FAP: variants seen among roughly 807,000 people sequenced by gnomAD.
FAP encodes fibroblast activation protein alpha.
In FAP, 110 loss-of-function variants were observed where a neutral mutation model predicts 126.5. The ratio of observed to expected loss-of-function variants is 0.87; its 90% CI spans 0.74 to 1.02. The LOEUF (loss-of-function observed/expected upper bound fraction) is 1.02. Ranked by LOEUF, FAP falls within the 50% of genes least tolerant of loss-of-function variation. The pLI is 0.00. For synonymous variants in FAP, 334 were observed against 297.3 expected (o/e 1.12, Z -1.27); for missense variants, 919 against 909.2 (o/e 1.01, Z -0.14).
At chr2:162,211,726 G>A (rs963948444) in intron 11 of FAP, among the ~76,000 whole-genome samples, 2 of 152,050 alleles carry the variant, frequency 1.3e-5, no homozygotes, top group Non-Finnish European at 2.9e-5. Context: ...CTTTTCAGAG[G>A]AGGAAGCATA....
At chr2:162,182,975 C>T (rs942912740) in intron 21 of FAP, among the ~76,000 whole-genome samples, 3 of 152,166 alleles carry the variant, frequency 2.0e-5, no homozygotes, top group Non-Finnish European at 4.4e-5. Context: ...CAAAATTAAA[C>T]AGCTAAGATA....
Position 162,213,993 on chromosome 2 carries a change from G to A in FAP, c.947C>T (p.Ser316Leu), listed in dbSNP as rs756858958. 2.7e-5 allele frequency: 44 copies of A among 1,613,848 alleles called. No homozygotes were observed. Among genetic ancestry groups the A allele is most frequent in the South Asian group, 6.6e-5 (6 of 91,062 alleles). Residue 316 changes from serine (S) to leucine (L), a missense_variant, in exon 11 of 26, where the codon TCG (serine) becomes TTG (leucine). By Grantham distance (145) the Ser-to-Leu change is moderately radical. Coordinates refer to ENST00000188790, the MANE Select transcript of FAP (RefSeq NM_004460.5). ...CCTGAAGTCACATATAGACAGGACC[G>A]AAACATTCTGGACTCTTTTTAGCCA... The part of the protein sequence containing the change: ...LQWLKRVQNV[S>L]VLSICDFRED...
intron 2 of FAP, among the ~76,000 whole-genome samples, chr2:162,231,953 G>C (rs1389307181): frequency 6.6e-6 from 1 of 152,150 alleles, no homozygotes; most frequent in African/African-American, 2.4e-5. Context: ...AAGGGTCTAG[G>C]GCTCTCAGGG....
chr2:162,226,488 T>TA (rs370138805), intron 3 of FAP, 35 bp downstream of exon 3: 307 of 1,161,760 alleles, frequency 2.6e-4, no homozygotes, highest in Admixed American at 5.8e-4. Flanking sequence ...ACAAAATACA[T>TA]AAAAAAAACC....
intron 1 of FAP, 121 bp downstream of exon 1, chr2:162,243,201 C>G: frequency 1.1e-6 from 1 of 876,538 alleles, no homozygotes. Context: ...CCAATCCCAA[C>G]CCATTGAGGA....
chr2:162,173,064 A>G lies in FAP; in HGVS notation c.2107+85T>C, dbSNP rs1687371446. ...ACTCTTAGGTACTGACCCTGAGCAT[A>G]GGCATAGGAGGATGCTTAATGTTTC... On this transcript the variant is annotated intron_variant, in intron 24 of 25. Transcript: ENST00000188790. The G allele has an allele frequency of 3.9e-6, 5 of 1,285,962 alleles. No individual in the cohort carries two copies. The Admixed American group carries it at 8.4e-5, about 22-fold the overall frequency. The allele number at this position is 1,285,962 out of a possible 1,614,324, so 79.7% of individuals were successfully genotyped here.
intron 21 of FAP, among the ~76,000 whole-genome samples, chr2:162,180,013 T>C (rs926081665): frequency 6.6e-6 from 1 of 151,908 alleles, no homozygotes; most frequent in African/African-American, 2.4e-5. Context: ...TTCGTCATGT[T>C]GGTCAGGCTG....
At chr2:162,203,326 A>C (rs1688571296) in intron 12 of FAP, among the ~76,000 whole-genome samples, 181 bp from the exon 13 acceptor site, 2 of 152,204 alleles carry the variant, frequency 1.3e-5, no homozygotes, top group Non-Finnish European at 2.9e-5. Flanking sequence ...TTATGTAGTG[A>C]TTCTGACAGG....
At chr2:162,223,769 T>C (rs1689512657) in intron 5 of FAP, 109 bp from the exon 6 acceptor site, 4 of 709,906 alleles carry the variant, frequency 5.6e-6, no homozygotes, top group Middle Eastern at 2.5e-4. Flanking sequence ...ATAAAAGGAC[T>C]ACTTTCACAA....
chr2:162,172,626 GT>G (rs1273654373), intron 25 of FAP, 184 bp downstream of exon 25: 17 of 549,112 alleles, frequency 3.1e-5, no homozygotes, highest in Non-Finnish European at 5.2e-5. Flanking sequence ...AGGTGATCTG[GT>G]TTGCCTCGGG....
At chr2:162,189,572 G>T in intron 18 of FAP, 84 bp downstream of exon 18, 1 of 725,292 alleles carries the variant, frequency 1.4e-6, no homozygotes, top group Non-Finnish European at 2.4e-6. Context: ...AATTTGCACT[G>T]TAACATTCAC....
intron 2 of FAP, among the ~76,000 whole-genome samples, chr2:162,237,064 G>C (rs1361323358): frequency 1.3e-5 from 2 of 151,990 alleles, no homozygotes; most frequent in Admixed American, 1.3e-4. Context: ...AGTATTGTAA[G>C]TTATTCTGTT....
chr2:162,217,912 C>A, intron 9 of FAP, 74 bp downstream of exon 9: 2 of 1,229,554 alleles, frequency 1.6e-6, no homozygotes, highest in Admixed American at 2.3e-5. Flanking sequence ...GTTGATCCCA[C>A]CTTTACTCAT....
intron 21 of FAP, 185 bp from the exon 22 acceptor site, chr2:162,175,151 T>A (rs2106212639): frequency 2.0e-6 from 1 of 511,230 alleles, no homozygotes; most frequent in East Asian, 3.4e-5. Flanking sequence ...ATAATGGTAA[T>A]TTCTTCCCTA....
intron 2 of FAP, among the ~76,000 whole-genome samples, chr2:162,227,582 G>T (rs994230814): frequency 1.3e-5 from 2 of 152,054 alleles, no homozygotes; most frequent in African/African-American, 4.8e-5. Context: ...TTATGAATCT[G>T]GTATTTGCCC....
At chr2:162,181,061 G>A (rs539105351) in intron 21 of FAP, among the ~76,000 whole-genome samples, 4 of 152,230 alleles carry the variant, frequency 2.6e-5, no homozygotes, top group South Asian at 4.1e-4. Flanking sequence ...AATTGCTTGA[G>A]CCTAGGGGTT....
chr2:162,182,261 A>G (rs1336758072), intron 21 of FAP, among the ~76,000 whole-genome samples: 1 of 152,220 alleles, frequency 6.6e-6, no homozygotes, highest in Non-Finnish European at 1.5e-5. Flanking sequence ...CAGCAAAAGC[A>G]AAGTCCAACT....
chr2:162,197,637 G>A (rs1303889756), intron 16 of FAP: 1 of 456,548 alleles, frequency 2.2e-6, no homozygotes, highest in Non-Finnish European at 4.4e-6. Flanking sequence ...AGTCAAATGA[G>A]CTGCAGCTCA....
In FAP at chr2:162,215,980, C is replaced by T; in HGVS notation, c.784G>A (p.Val262Ile). Residue 262 changes from valine (V) to isoleucine (I), a missense_variant, in exon 10 of 26, where the codon GTT becomes ATT. Val to Ile is a conservative substitution (Grantham distance 29, BLOSUM62 3). Transcript: ENST00000188790. ...GTGGTATCGATAATAAATATCCGAACAACGGGATTCTTAGCTCCAGCCTGC... is the reference window on the plus strand; with the variant it reads ...GTGGTATCGATAATAAATATCCGAATAACGGGATTCTTAGCTCCAGCCTGC... ...YPKAGAKNPV[V>I]RIFIIDTTYP... 2 of 1,613,938 alleles carry T rather than the reference C, an allele frequency of 1.2e-6. No homozygotes were observed. Among genetic ancestry groups the T allele is most frequent in the East Asian group, 2.2e-5 (1 of 44,884 alleles).
Sources: gnomAD v4.1 joint callset for allele counts (sites outside exome capture counted in the v4.1 genomes callset) on GRCh38, gnomAD v4.1.1 for gene constraint, MANE v1.5 for transcripts, NCBI Gene and HGNC (gene_info 2026-07-23, HGNC 2026-07-21) for gene names.